The following TAFA2 variants were observed in gnomAD, a reference collection of about 807,000 sequenced individuals.
TAFA2 encodes TAFA chemokine like family member 2, also known as chemokine-like protein TAFA-2.
A neutral mutation model predicts 18.8 loss-of-function variants in TAFA2; 7 were observed. The observed-to-expected ratio is 0.37, with a 90% CI of 0.21 to 0.70. TAFA2 has a LOEUF of 0.70. Among genes scored for constraint, TAFA2 ranks in the 30% least tolerant of loss-of-function variants. The probability of loss-of-function intolerance (pLI) is 0.53; values close to 1 mark genes in which losing one functional copy is unlikely to be tolerated. For synonymous variants in TAFA2, 60 were observed against 54.2 expected (o/e 1.11, Z -0.47); for missense variants, 122 against 158.1 (o/e 0.77, Z 1.23).
At chr12:62,246,637 G>C (rs2062887713) in intron 1 of TAFA2, among the ~76,000 whole-genome samples, 1 of 152,006 alleles carries the variant, frequency 6.6e-6, no homozygotes, top group Admixed American at 6.6e-5. Context: ...TATGTGTTTT[G>C]AGGTCATTTA....
At chr12:61,746,693 G>A (rs1868723882) in intron 4 of TAFA2, among the ~76,000 whole-genome samples, 1 of 152,106 alleles carries the variant, frequency 6.6e-6, no homozygotes, top group African/African-American at 2.4e-5. Context: ...GCAATAAAAA[G>A]ATGAATATAC....
intron 1 of TAFA2, among the ~76,000 whole-genome samples, chr12:61,943,326 C>T (rs1215431564): frequency 1.9e-4 from 28 of 149,346 alleles, no homozygotes; most frequent in East Asian, 6.1e-4. Flanking sequence ...AAAGGAACAA[C>T]CGGTACCAGC....
chr12:62,179,665 T>G (rs1385434129), intron 1 of TAFA2, among the ~76,000 whole-genome samples: 1 of 152,188 alleles, frequency 6.6e-6, no homozygotes, highest in Non-Finnish European at 1.5e-5. Context: ...TTTTACCTCT[T>G]TGTTCCCCAA....
At position 61,710,219 on chromosome 12, in the gene TAFA2, C is replaced by A; in HGVS notation, c.*187G>T. 1 of 570,802 alleles carries A rather than the reference C, an allele frequency of 1.8e-6. No homozygotes were observed. Among genetic ancestry groups the A allele is most frequent in the Admixed American group, 3.0e-5 (1 of 33,398 alleles). The allele number at this position is 570,802 out of a possible 1,614,324, so 35.4% of individuals were successfully genotyped here. ...AATCTGCTGAAATCTTCATGACATG[C>A]AAGTTCATGTCTGACTTTTAAAAAG... is the stretch of plus-strand genomic sequence containing the variant. On this transcript the variant is annotated 3_prime_UTR_variant, in exon 5 of 5. Transcript: ENST00000416284.
At chr12:61,993,772 A>G (rs1273896648) in intron 1 of TAFA2, among the ~76,000 whole-genome samples, 1 of 152,120 alleles carries the variant, frequency 6.6e-6, no homozygotes, top group African/African-American at 2.4e-5. Context: ...ATAATCTTTA[A>G]TTTTCTAACA....
chr12:62,083,932 A>G (rs1464595660), intron 1 of TAFA2, among the ~76,000 whole-genome samples: 1 of 152,152 alleles, frequency 6.6e-6, no homozygotes, highest in East Asian at 1.9e-4. Flanking sequence ...AGAATGCTTT[A>G]TTCTCATTGT....
chr12:61,981,143 A>C (rs1189640721), intron 1 of TAFA2, among the ~76,000 whole-genome samples: 1 of 152,180 alleles, frequency 6.6e-6, no homozygotes, highest in African/African-American at 2.4e-5. Flanking sequence ...GAGGCCTCAG[A>C]AATAACACCG....
chr12:61,722,413 C>A (rs2120604575), intron 4 of TAFA2, among the ~76,000 whole-genome samples: 1 of 152,148 alleles, frequency 6.6e-6, no homozygotes, highest in South Asian at 2.1e-4. Flanking sequence ...TGTATTCTGG[C>A]CAGAGTCGAG....
At position 62,078,918 on chromosome 12, in the gene TAFA2, G is replaced by C. The variant is rs560281301; in HGVS notation, c.-2+112341C>G. ...TGCCATGTGCGACAGGAGGAAGAGG[G>C]AAGAACACTAAAATGCTCCACCCTG... On this transcript the variant is annotated intron_variant, in intron 1 of 4. Coordinates refer to ENST00000416284, the MANE Select transcript of TAFA2 (RefSeq NM_178539.5). Among the ~76,000 whole-genome samples the C allele has an allele frequency of 9.7e-4, 148 of 152,328 alleles. 1 individual carries two copies. The highest frequency in any genetic ancestry group is 3.4e-3 in the African/African-American group (142 of 41,576).
intron 2 of TAFA2, among the ~76,000 whole-genome samples, chr12:61,803,082 C>A (rs549688941): frequency 1.3e-5 from 2 of 151,982 alleles, no homozygotes; most frequent in South Asian, 4.1e-4. Flanking sequence ...ATAGCATAAA[C>A]AAAATAGGTG....
intron 1 of TAFA2, among the ~76,000 whole-genome samples, chr12:61,988,952 T>C (rs563264302): frequency 6.6e-6 from 1 of 152,324 alleles, no homozygotes; most frequent in South Asian, 2.1e-4. Context: ...GACTACAGGG[T>C]TCTTGTGAGC....
chr12:62,049,322 G>A (rs546606716), intron 1 of TAFA2, among the ~76,000 whole-genome samples: 1 of 152,296 alleles, frequency 6.6e-6, no homozygotes, highest in East Asian at 1.9e-4. Context: ...CTATTTTCAT[G>A]TGAGATGATG....
At chr12:62,125,432 C>T (rs972455666) in intron 1 of TAFA2, among the ~76,000 whole-genome samples, 3 of 152,100 alleles carry the variant, frequency 2.0e-5, no homozygotes, top group African/African-American at 7.2e-5. Flanking sequence ...CTTCATGCAT[C>T]CCCAACCTCA....
At chr12:61,857,556 T>C (rs1433841484) in intron 2 of TAFA2, among the ~76,000 whole-genome samples, 1 of 152,222 alleles carries the variant, frequency 6.6e-6, no homozygotes, top group Non-Finnish European at 1.5e-5. Flanking sequence ...TGAAGGGAGC[T>C]GGAAGCTTAG....
intron 4 of TAFA2, among the ~76,000 whole-genome samples, chr12:61,738,475 T>A (rs947059579): frequency 6.6e-6 from 1 of 152,176 alleles, no homozygotes; most frequent in Admixed American, 6.6e-5. Flanking sequence ...ATGTCAATAA[T>A]TGTGATTGTC....
chr12:62,109,317 C>G (rs1869612956), intron 1 of TAFA2, among the ~76,000 whole-genome samples: 1 of 152,148 alleles, frequency 6.6e-6, no homozygotes, highest in African/African-American at 2.4e-5. Context: ...TCTGAGGCCT[C>G]TGTTCTGTTC....
chr12:61,864,791 A>G (rs1412974180), intron 2 of TAFA2, among the ~76,000 whole-genome samples: 1 of 151,794 alleles, frequency 6.6e-6, no homozygotes, highest in East Asian at 1.9e-4. Context: ...AAAAAAAAAA[A>G]AAAGTACCAC....
chr12:61,803,903 A>G (rs930003364), intron 2 of TAFA2, among the ~76,000 whole-genome samples: 13 of 151,996 alleles, frequency 8.6e-5, no homozygotes, highest in Non-Finnish European at 1.8e-4. Flanking sequence ...AAAAAATGAC[A>G]ATAGCTATAA....
intron 1 of TAFA2, among the ~76,000 whole-genome samples, chr12:61,906,246 T>C (rs1316593323): frequency 2.0e-5 from 3 of 152,164 alleles, no homozygotes; most frequent in African/African-American, 7.2e-5. Flanking sequence ...TGTTGAATTG[T>C]AGTTCCCATA....
Sources: gnomAD v4.1 joint callset for allele counts (sites outside exome capture counted in the v4.1 genomes callset) on GRCh38, gnomAD v4.1.1 for gene constraint, MANE v1.5 for transcripts, NCBI Gene and HGNC (gene_info 2026-07-23, HGNC 2026-07-21) for gene names.